HS3ST6: variants seen among roughly 807,000 people sequenced by gnomAD.
HS3ST6 encodes the protein heparan sulfate-glucosamine 3-sulfotransferase 6, also known as heparan sulfate glucosamine 3-O-sulfotransferase 6.
HS3ST6 carries 13 observed loss-of-function variants against 11.0 expected under a neutral mutation model. The observed-to-expected ratio is 1.18, with a 90% CI of 0.77 to 1.88. The LOEUF (loss-of-function observed/expected upper bound fraction) is 1.88, where lower values mean the gene tolerates loss of function less well. HS3ST6 is among the 40% of genes most tolerant of loss of function. The pLI is 0.00. For synonymous variants in HS3ST6, 232 were observed against 230.6 expected (o/e 1.01, Z -0.06); for missense variants, 541 against 494.4 (o/e 1.09, Z -0.89).
chr16:1,917,779 G>T, intron 1 of HS3ST6, 132 bp downstream of exon 1: 1 of 598,318 alleles, frequency 1.7e-6, no homozygotes, highest in Non-Finnish European at 2.5e-6. Context: ...CCCCCACAGG[G>T]CGGTCCCAAC....
intron 1 of HS3ST6, 76 bp downstream of exon 1, chr16:1,917,835 G>T: frequency 1.7e-6 from 2 of 1,144,442 alleles, no homozygotes; most frequent in Non-Finnish European, 2.3e-6. Flanking sequence ...GCAGGATATC[G>T]TGCCGCTGCT....
At chr16:1,913,464 G>A (rs944811509) in intron 1 of HS3ST6, among the ~76,000 whole-genome samples, 1 of 152,210 alleles carries the variant, frequency 6.6e-6, no homozygotes, top group Non-Finnish European at 1.5e-5. Flanking sequence ...CAGTGCCCCG[G>A]GCAGCACCTG....
Position 1,911,657 on chromosome 16 carries a change from T to C in HS3ST6, c.962A>G (p.Gln321Arg), listed in dbSNP as rs1478662055. The stretch of plus-strand genomic sequence containing the variant: ...GCGGTTGAAGGGCCGGTAGAACTCC[T>C]GCAGGCGCCGGACCAGGGCCTGGGG... ...RVPQALVRRLQEFYRPFNRRF... is the reference protein window; with the variant it reads ...RVPQALVRRLREFYRPFNRRF... The change falls in exon 2 of 2, where the codon CAG becomes CGG. Residue 321 changes from glutamine to arginine, a missense_variant. Physicochemically the swap from Gln to Arg is conservative, Grantham distance 43. Coordinates refer to ENST00000454677, the MANE Select transcript of HS3ST6 (RefSeq NM_001009606.4). 26 of 1,610,662 alleles carry C rather than the reference T, an allele frequency of 1.6e-5. No individual in the cohort carries two copies. The highest frequency in any genetic ancestry group is 2.1e-5 in the Non-Finnish European group (25 of 1,178,592).
At chr16:1,913,306 A>G (rs886098215) in intron 1 of HS3ST6, among the ~76,000 whole-genome samples, 7 of 152,060 alleles carry the variant, frequency 4.6e-5, no homozygotes, top group African/African-American at 1.7e-4. Context: ...GGCCTTTCTG[A>G]GATTCTCCTC....
At chr16:1,919,977 G>A (rs527254256), upstream of HS3ST6, among the ~76,000 whole-genome samples, 335 of 152,142 alleles carry the variant, frequency 2.2e-3, no homozygotes, top group African/African-American at 7.1e-3. Context: ...GTGGGGGCTG[G>A]GGTCCCACCC....
chr16:1,912,422 C>T lies in HS3ST6; in HGVS notation c.414-217G>A, dbSNP rs79205000. ...CCCAGCCCGGCACCTGCCTGCAGCC[C>T]GGCCTGTTCCGCCGGCCTGCCCCGC... On this transcript the variant is annotated intron_variant, in intron 1 of 1. Coordinates refer to ENST00000454677, the MANE Select transcript of HS3ST6 (RefSeq NM_001009606.4). This position sits in a 1 kb window ranked among gnomAD's most constrained non-coding sequence, Gnocchi z 5.6. Among the ~76,000 whole-genome samples the T allele has an allele frequency of 6.6e-6, 1 of 152,064 alleles. No individual in the cohort carries two copies. The highest frequency in any genetic ancestry group is 1.5e-5 in the Non-Finnish European group (1 of 67,990).
intron 1 of HS3ST6, among the ~76,000 whole-genome samples, chr16:1,916,144 C>A (rs896787851): frequency 3.6e-4 from 21 of 57,788 alleles, no homozygotes. Context: ...TAGGAGCACA[C>A]CAGCCCCACG....
At chr16:1,913,426 C>CG (rs1567298144) in intron 1 of HS3ST6, among the ~76,000 whole-genome samples, 59 of 152,314 alleles carry the variant, frequency 3.9e-4, no homozygotes, top group African/African-American at 1.3e-3. Flanking sequence ...TCTGGGTGCC[C>CG]AGCCCGGGCA....
At chr16:1,913,587 A>G (rs1315588090) in intron 1 of HS3ST6, among the ~76,000 whole-genome samples, 1 of 152,120 alleles carries the variant, frequency 6.6e-6, no homozygotes, top group Non-Finnish European at 1.5e-5. Flanking sequence ...ATAGAAACAC[A>G]GGGACTGTGT....
Position 1,918,353 on chromosome 16 carries a change from G to T in HS3ST6, c.-30C>A. On this transcript the variant is annotated 5_prime_UTR_variant, in exon 1 of 2. Transcript: ENST00000454677. This position sits in a 1 kb window ranked among gnomAD's most constrained non-coding sequence, Gnocchi z 6.0. ...TCGCGCCGCTCCAGGCCCGGGAGCG[G>T]GGGCAGCAGGCGGGCGCGCATCTCG... is the stretch of plus-strand genomic sequence containing the variant. The T allele has an allele frequency of 3.4e-6, 1 of 296,508 alleles. No individual in the cohort carries two copies. The highest frequency in any genetic ancestry group is 1.2e-4 in the South Asian group (1 of 8,506). The allele number at this position is 296,508 out of a possible 1,614,324, so 18.4% of individuals were successfully genotyped here. A position where few individuals can be genotyped will look rare whatever the true frequency, so the allele number is the denominator to read the frequency against.
At chr16:1,917,790 C>A (rs1376649079) in intron 1 of HS3ST6, 121 bp downstream of exon 1, 2 of 766,646 alleles carry the variant, frequency 2.6e-6, no homozygotes, top group East Asian at 6.8e-5. Context: ...CGGTCCCAAC[C>A]CCACTGCCCG....
Position 1,918,074 on chromosome 16 carries a change from C to G in HS3ST6, c.250G>C (p.Gly84Arg). The change falls in exon 1 of 2, where the codon GGT becomes CGT. Residue 84 changes from glycine (G) to arginine (R), a missense_variant. Physicochemically the swap from Gly to Arg is moderately radical, Grantham distance 125 (BLOSUM62 -2). Transcript: ENST00000454677. The surrounding 1 kb of genome is among the most constrained non-coding windows in gnomAD (Gnocchi z 6.0). Reference sequence around the variant, plus strand: ...TGCGGGAAGCGCCGGCGGCCGGGACCGCTGGCCAAAGGCAGGCCGGGTGCT... The same window carrying G: ...TGCGGGAAGCGCCGGCGGCCGGGACGGCTGGCCAAAGGCAGGCCGGGTGCT... ...PGAPGLPLAS[G>R]PGRRRFPQAL... 3 of 1,504,430 alleles carry G rather than the reference C, an allele frequency of 2.0e-6. No individual in the cohort carries two copies. The highest frequency in any genetic ancestry group is 1.2e-5 in the South Asian group (1 of 80,556). 93.2% of individuals were successfully genotyped at this position (1,504,430 alleles called of 1,614,324 possible). A position where few individuals can be genotyped will look rare whatever the true frequency, so the allele number is the denominator to read the frequency against.
At position 1,912,584 on chromosome 16, in the gene HS3ST6, T is replaced by C. The variant is rs1657141; in HGVS notation, c.414-379A>G. 0.39 allele frequency among the ~76,000 whole-genome samples: 58,398 copies of C among 151,630 alleles called. 11,489 individuals are homozygous for C. Among genetic ancestry groups the C allele is most frequent in the South Asian group, 0.56 (2,656 of 4,778 alleles). On this transcript the variant is annotated intron_variant, in intron 1 of 1. Transcript: ENST00000454677. The surrounding 1 kb of genome is among the most constrained non-coding windows in gnomAD (Gnocchi z 5.6). ...AGCTCCCTCCCACCGGACCCACACT[T>C]TCCTGGAACTAGGCTGCCCCCAGCT...
Position 1,917,963 on chromosome 16 carries a change from A to G in HS3ST6, c.361T>C (p.Ser121Pro). The change falls in exon 1 of 2, where the codon TCT becomes CCT. Residue 121 changes from serine to proline, a missense_variant. By Grantham distance (74) the Ser-to-Pro change is moderately conservative. Transcript: ENST00000454677. Reference protein sequence around the residue: ...RLHPDVRALGSEPHFFDRCYE... With the variant: ...RLHPDVRALGPEPHFFDRCYE... Reference sequence around the variant, plus strand: ...CACCTGTCGAAGAAGTGGGGCTCAGAGCCCAGCGCGCGGACGTCGGGGTGC... The same window carrying G: ...CACCTGTCGAAGAAGTGGGGCTCAGGGCCCAGCGCGCGGACGTCGGGGTGC... 1.3e-6 allele frequency: 2 copies of G among 1,523,480 alleles called. No homozygotes were observed. Among genetic ancestry groups the G allele is most frequent in the South Asian group, 1.2e-5 (1 of 81,820 alleles). 94.4% of individuals were successfully genotyped at this position (1,523,480 alleles called of 1,614,324 possible). A position where few individuals can be genotyped will look rare whatever the true frequency, so the allele number is the denominator to read the frequency against.
In HS3ST6 at chr16:1,912,540, C is replaced by G. The variant is rs968575810; in HGVS notation, c.414-335G>C. Among the ~76,000 whole-genome samples, 2 of 152,242 alleles carry G rather than the reference C, an allele frequency of 1.3e-5. No individual in the cohort carries two copies. Among genetic ancestry groups the G allele is most frequent in the Non-Finnish European group, 1.5e-5 (1 of 68,008 alleles). ...CATATCTTCCCTGTGCAATCCCTGC[C>G]GTCCTCGCTTCCAGAGCCAGCTCCC... On this transcript the variant is annotated intron_variant, in intron 1 of 1. Transcript: ENST00000454677. The surrounding 1 kb of genome is among the most constrained non-coding windows in gnomAD (Gnocchi z 5.6).
In HS3ST6 at chr16:1,911,685, C is replaced by T. The variant is rs774772090; in HGVS notation, c.934G>A (p.Val312Met). ...GKSKGRPHPR[V>M]PQALVRRLQE... ...AGGCGCCGGACCAGGGCCTGGGGCA[C>T]GCGTGGGTGTGGCCGGCCCTTGGAC... The change falls in exon 2 of 2, where the codon GTG becomes ATG. Residue 312 changes from valine (V) to methionine (M), a missense_variant. Coordinates refer to ENST00000454677, the MANE Select transcript of HS3ST6 (RefSeq NM_001009606.4). The T allele has an allele frequency of 1.5e-5, 24 of 1,611,788 alleles. No homozygotes were observed. The highest frequency in any genetic ancestry group is 6.7e-5 in the East Asian group (3 of 44,832).
chr16:1,920,362 G>A (rs1441993426), upstream of HS3ST6, among the ~76,000 whole-genome samples: 184 of 89,054 alleles, frequency 2.1e-3, no homozygotes, highest in East Asian at 4.8e-3. Flanking sequence ...AGTCCCCACG[G>A]TCTCAGCTGT....
In HS3ST6 at chr16:1,911,645, C is replaced by T. The variant is rs371541517; in HGVS notation, c.974G>A (p.Arg325Gln). 30 of 1,609,398 alleles carry T rather than the reference C, an allele frequency of 1.9e-5. No individual in the cohort carries two copies. The highest frequency in any genetic ancestry group is 1.1e-4 in the South Asian group (10 of 90,632). The change falls in exon 2 of 2, where the codon CGG becomes CAG. Residue 325 changes from arginine to glutamine, a missense_variant. Transcript: ENST00000454677. ...ALVRRLQEFY[R>Q]PFNRRFYQMT... ...CTGGTAGAACCTGCGGTTGAAGGGC[C>T]GGTAGAACTCCTGCAGGCGCCGGAC...
At chr16:1,920,327 C>T (rs113059877), upstream of HS3ST6, among the ~76,000 whole-genome samples, 3 of 134,994 alleles carry the variant, frequency 2.2e-5, no homozygotes, top group Non-Finnish European at 3.2e-5. Flanking sequence ...GGAGTCCCCA[C>T]GGTCTCAGCC....
Sources: allele counts gnomAD v4.1 joint callset (sites outside exome capture counted in the v4.1 genomes callset), GRCh38; gene constraint gnomAD v4.1.1; non-coding constraint Gnocchi (gnomAD v3.1); transcripts MANE v1.5; gene names NCBI Gene and HGNC (gene_info 2026-07-23, HGNC 2026-07-21).